Variants in GALNTL6 observed in about 807,000 individuals in gnomAD.
GALNTL6 encodes polypeptide N-acetylgalactosaminyltransferase-like 6.
A neutral mutation model predicts 73.7 loss-of-function variants in GALNTL6; 46 were observed. The observed-to-expected ratio is 0.62, with a 90% CI of 0.49 to 0.80. The LOEUF is 0.80. Among genes scored for constraint, GALNTL6 ranks in the 30% least tolerant of loss-of-function variants. The pLI, the probability that GALNTL6 is intolerant of heterozygous loss-of-function variation, is 0.00. For missense variants in GALNTL6, 604 were observed against 755.0 expected (o/e 0.80, Z 2.34); for synonymous variants, 259 against 263.7 (o/e 0.98, Z 0.17).
intron 10 of GALNTL6, among the ~76,000 whole-genome samples, chr4:172,969,073 A>G (rs746636133): frequency 6.6e-6 from 1 of 152,224 alleles, no homozygotes; most frequent in Middle Eastern, 3.2e-3. Context: ...GCTTGAAAGA[A>G]CCATACAAAT....
chr4:172,879,385 T>G (rs1010767087), intron 7 of GALNTL6, among the ~76,000 whole-genome samples: 1 of 151,892 alleles, frequency 6.6e-6, no homozygotes, highest in Non-Finnish European at 1.5e-5. Flanking sequence ...GCCATTAAAA[T>G]GTCACAATAA....
At chr4:171,821,194 C>T (rs1049908011) in intron 2 of GALNTL6, among the ~76,000 whole-genome samples, 5 of 152,154 alleles carry the variant, frequency 3.3e-5, no homozygotes, top group African/African-American at 7.2e-5. Context: ...CGCCATGATA[C>T]CTGGATAACT....
chr4:171,987,624 T>C (rs535516371), intron 2 of GALNTL6, among the ~76,000 whole-genome samples: 1 of 152,166 alleles, frequency 6.6e-6, no homozygotes, highest in East Asian at 1.9e-4. Context: ...TGAGGAGTAG[T>C]AGAATAGCAG....
rs527511973 is a variant in GALNTL6 at position 172,846,567 on chromosome 4, A to G, written c.923+32844A>G. On this transcript the variant is annotated intron_variant, in intron 7 of 12. Transcript: ENST00000506823. ...GCAATAGATTTTTTTGTAATATGGCAAAGAAAAATGAGGCTATCCTGTAAA... is the reference window on the plus strand; with the variant it reads ...GCAATAGATTTTTTTGTAATATGGCGAAGAAAAATGAGGCTATCCTGTAAA... Among the ~76,000 whole-genome samples the G allele has an allele frequency of 1.1e-3, 168 of 152,262 alleles. 1 individual carries two copies. Among genetic ancestry groups the G allele is most frequent in the African/African-American group, 3.9e-3 (162 of 41,540 alleles).
At chr4:172,990,566 GTT>G (rs201454358) in intron 10 of GALNTL6, among the ~76,000 whole-genome samples, 1 of 146,240 alleles carries the variant, frequency 6.8e-6, no homozygotes, top group African/African-American at 2.5e-5. Flanking sequence ...AGTCCTGAAA[GTT>G]TTTTTTTTTT....
intron 3 of GALNTL6, among the ~76,000 whole-genome samples, chr4:172,268,248 G>A (rs767094465): frequency 6.6e-6 from 1 of 152,108 alleles, no homozygotes; most frequent in Non-Finnish European, 1.5e-5. Context: ...GGTTTATCTG[G>A]GAAGCTGACT....
intron 2 of GALNTL6, among the ~76,000 whole-genome samples, chr4:172,104,199 T>A (rs1732610259): frequency 6.6e-6 from 1 of 152,154 alleles, no homozygotes; most frequent in South Asian, 2.1e-4. Flanking sequence ...CGCCTCGGCC[T>A]CCCAAAGTGC....
intron 8 of GALNTL6, among the ~76,000 whole-genome samples, chr4:172,925,848 G>A (rs939278989): frequency 3.3e-5 from 5 of 152,164 alleles, no homozygotes; most frequent in African/African-American, 9.7e-5. Context: ...GTAAATGTAT[G>A]TTGTTTTAAA....
intron 2 of GALNTL6, among the ~76,000 whole-genome samples, chr4:171,987,085 G>A (rs1209645920): frequency 6.6e-6 from 1 of 152,086 alleles, no homozygotes; most frequent in Non-Finnish European, 1.5e-5. Flanking sequence ...ATGAGACTGG[G>A]GCCTAATAAA....
intron 9 of GALNTL6, among the ~76,000 whole-genome samples, chr4:172,935,507 A>G (rs544696045): frequency 6.6e-6 from 1 of 152,182 alleles, no homozygotes; most frequent in East Asian, 1.9e-4. Flanking sequence ...GTTTTTTGAA[A>G]AGATCAACAA....
chr4:172,369,676 G>A (rs1337883459), intron 5 of GALNTL6, among the ~76,000 whole-genome samples: 1 of 152,184 alleles, frequency 6.6e-6, no homozygotes, highest in Non-Finnish European at 1.5e-5. Context: ...CGGCAGTGCT[G>A]GGTTACCTGG....
At chr4:172,023,179 A>G (rs956675668) in intron 2 of GALNTL6, among the ~76,000 whole-genome samples, 7 of 152,074 alleles carry the variant, frequency 4.6e-5, no homozygotes, top group Admixed American at 6.6e-5. Flanking sequence ...AGAAATGAAA[A>G]GAGCAGTTAA....
intron 5 of GALNTL6, among the ~76,000 whole-genome samples, chr4:172,463,477 A>G (rs1407287885): frequency 2.0e-5 from 3 of 152,216 alleles, no homozygotes; most frequent in Non-Finnish European, 4.4e-5. Context: ...AATACAAGCA[A>G]GAAATTGACC....
chr4:172,920,853 A>G (rs1183648962), intron 8 of GALNTL6, among the ~76,000 whole-genome samples: 1 of 152,228 alleles, frequency 6.6e-6, no homozygotes, highest in African/African-American at 2.4e-5. Flanking sequence ...CCTACAGAGT[A>G]CCATGTGTCA....
At chr4:172,977,940 A>G (rs1338775504) in intron 10 of GALNTL6, among the ~76,000 whole-genome samples, 2 of 152,072 alleles carry the variant, frequency 1.3e-5, no homozygotes, top group African/African-American at 2.4e-5. Flanking sequence ...CCTGGGTCCA[A>G]GTGATTCTCC....
chr4:172,269,224 T>C (rs1738555255), intron 3 of GALNTL6, among the ~76,000 whole-genome samples: 1 of 152,124 alleles, frequency 6.6e-6, no homozygotes, highest in African/African-American at 2.4e-5. Context: ...TCCACTCCAC[T>C]ATCCTTCCTT....
At chr4:172,257,064 C>G (rs1451610599) in intron 3 of GALNTL6, among the ~76,000 whole-genome samples, 1 of 151,274 alleles carries the variant, frequency 6.6e-6, no homozygotes, top group African/African-American at 2.4e-5. Context: ...TCTGTCTGTT[C>G]ACATTTTTTT....
In GALNTL6 at chr4:172,974,782, A is replaced by G. The variant is rs190498655; in HGVS notation, c.1371+22524A>G. On this transcript the variant is annotated intron_variant, in intron 10 of 12. Coordinates refer to ENST00000506823, the MANE Select transcript of GALNTL6 (RefSeq NM_001034845.3). ...GAGTACAGGGTCTGGCCACTGTGTA[A>G]AGCCAGGCATGCCGGCTGCAGCAGG... 2.0e-3 allele frequency among the ~76,000 whole-genome samples: 300 copies of G among 152,318 alleles called. 2 individuals are homozygous for G. Among genetic ancestry groups the G allele is most frequent in the South Asian group, 0.019 (92 of 4,826 alleles).
chr4:172,350,879 A>G (rs1257230227), intron 5 of GALNTL6, among the ~76,000 whole-genome samples: 1 of 152,146 alleles, frequency 6.6e-6, no homozygotes, highest in Admixed American at 6.6e-5. Context: ...ACTATAAATA[A>G]TTAATGTAAT....
Sources: gnomAD v4.1 joint callset for allele counts (sites outside exome capture counted in the v4.1 genomes callset) on GRCh38, gnomAD v4.1.1 for gene constraint, MANE v1.5 for transcripts, NCBI Gene and HGNC (gene_info 2026-07-23, HGNC 2026-07-21) for gene names.